Variants in ASRGL1 observed in about 807,000 individuals in gnomAD.
The protein encoded by ASRGL1 is asparaginase and isoaspartyl peptidase 1.
In ASRGL1, 16 loss-of-function variants were observed where a neutral mutation model predicts 22.4. The observed-to-expected ratio is 0.71, with a 90% confidence interval of 0.48 to 1.08. ASRGL1 has a LOEUF of 1.08. Ranked by LOEUF, ASRGL1 falls within the 50% of genes least tolerant of loss-of-function variation. The pLI is 0.00. For missense variants in ASRGL1, 412 were observed against 410.1 expected (o/e 1.00, Z -0.04); for synonymous variants, 165 against 159.3 (o/e 1.04, Z -0.27).
intron 4 of ASRGL1, among the ~76,000 whole-genome samples, chr11:62,361,489 T>C (rs1946432936): frequency 6.8e-6 from 1 of 146,068 alleles, no homozygotes. Flanking sequence ...CAATTTTTTT[T>C]TTTTTTTTTT....
chr11:62,341,697 T>G (rs552976773), intron 2 of ASRGL1, among the ~76,000 whole-genome samples: 1 of 152,324 alleles, frequency 6.6e-6, no homozygotes, highest in East Asian at 1.9e-4. Context: ...GGTGTTGGTT[T>G]GTTGGTATAA....
chr11:62,393,694 T>TC (rs1232060576), downstream of ASRGL1, among the ~76,000 whole-genome samples: 1 of 152,010 alleles, frequency 6.6e-6, no homozygotes, highest in African/African-American at 2.4e-5. Flanking sequence ...ATGCAACAAC[T>TC]CCCCCTTTAG....
At chr11:62,346,905 G>A (rs1041221754) in intron 2 of ASRGL1, among the ~76,000 whole-genome samples, 16 of 151,682 alleles carry the variant, frequency 1.1e-4, no homozygotes, top group African/African-American at 3.9e-4. Context: ...GAGAGACAGA[G>A]GTTGCAGTGA....
At chr11:62,338,455 A>C in intron 2 of ASRGL1, 1 of 306,940 alleles carries the variant, frequency 3.3e-6, no homozygotes, top group Non-Finnish European at 6.0e-6. Flanking sequence ...GTCAATCAGT[A>C]CATACAAGAC....
intron 4 of ASRGL1, among the ~76,000 whole-genome samples, chr11:62,386,669 A>G (rs1224321192): frequency 1.3e-5 from 2 of 152,240 alleles, no homozygotes; most frequent in South Asian, 4.1e-4. Flanking sequence ...ACACCTGTCC[A>G]TATTTCTGAT....
chr11:62,392,577 A>G lies in ASRGL1; in HGVS notation c.*293A>G. ...GAGCCAGGCCCTGTATCAAAAAAAAAAAAAAAAAGAAAAGGGAAAAAAGAA... is the reference window on the plus strand; with the variant it reads ...GAGCCAGGCCCTGTATCAAAAAAAAGAAAAAAAAGAAAAGGGAAAAAAGAA... On this transcript the variant is annotated 3_prime_UTR_variant, in exon 7 of 7. Coordinates refer to ENST00000415229, the MANE Select transcript of ASRGL1 (RefSeq NM_001083926.2). 2.4e-6 allele frequency: 1 copy of G among 413,650 alleles called. No homozygotes were observed. Among genetic ancestry groups the G allele is most frequent in the Non-Finnish European group, 4.4e-6 (1 of 228,048 alleles). 25.6% of individuals were successfully genotyped at this position (413,650 alleles called of 1,614,324 possible). A position where few individuals can be genotyped will look rare whatever the true frequency, so the allele number is the denominator to read the frequency against.
intron 2 of ASRGL1, among the ~76,000 whole-genome samples, chr11:62,345,965 C>G (rs1946008764): frequency 6.6e-6 from 1 of 152,158 alleles, no homozygotes; most frequent in African/African-American, 2.4e-5. Context: ...GGCCACAGAC[C>G]AGTACCAGTA....
downstream of ASRGL1, among the ~76,000 whole-genome samples, chr11:62,394,877 G>A (rs1947413082): frequency 6.6e-6 from 1 of 152,142 alleles, no homozygotes; most frequent in African/African-American, 2.4e-5. Flanking sequence ...TGTAAATGGA[G>A]ACCACGTACA....
At chr11:62,382,383 C>T (rs1312001977) in intron 4 of ASRGL1, 1 of 151,986 alleles carries the variant, frequency 6.6e-6, no homozygotes, top group Non-Finnish European at 1.5e-5. Flanking sequence ...AGCAGGAAAA[C>T]ATGTGAACAA....
intron 2 of ASRGL1, among the ~76,000 whole-genome samples, chr11:62,352,305 G>T (rs373080615): frequency 6.6e-6 from 1 of 152,200 alleles, no homozygotes. Context: ...AAGCCTCAAG[G>T]CTGGGCACGG....
rs191741286 is a variant in ASRGL1, at chr11:62,344,196, T to C, written c.190+6029T>C. ...CAGGTGTGAGCCACTGCGCTTGGCCTGTCGTTCATATTTCTTCAGTGAAGT... is the reference window on the plus strand; with the variant it reads ...CAGGTGTGAGCCACTGCGCTTGGCCCGTCGTTCATATTTCTTCAGTGAAGT... On this transcript the variant is annotated intron_variant, in intron 2 of 6. Coordinates refer to ENST00000415229, the MANE Select transcript of ASRGL1 (RefSeq NM_001083926.2). 1.6e-3 allele frequency among the ~76,000 whole-genome samples: 245 copies of C among 152,246 alleles called. 1 individual carries two copies. Among genetic ancestry groups the C allele is most frequent in the East Asian group, 7.3e-3 (38 of 5,180 alleles).
chr11:62,370,283 T>A (rs1299511340), intron 4 of ASRGL1, among the ~76,000 whole-genome samples: 1 of 152,168 alleles, frequency 6.6e-6, no homozygotes, highest in Non-Finnish European at 1.5e-5. Context: ...AATCTGCAGT[T>A]TTCGCAGGTT....
chr11:62,377,672 C>T (rs1354432993), intron 4 of ASRGL1, among the ~76,000 whole-genome samples: 1 of 152,134 alleles, frequency 6.6e-6, no homozygotes, highest in African/African-American at 2.4e-5. Flanking sequence ...TCAGTAAGAC[C>T]AATCTGCCAT....
At chr11:62,363,800 T>C (rs947218479) in intron 4 of ASRGL1, among the ~76,000 whole-genome samples, 21 of 152,154 alleles carry the variant, frequency 1.4e-4, no homozygotes, top group African/African-American at 5.1e-4. Context: ...TGCTAAAAAC[T>C]ATGTTGACTC....
At chr11:62,355,622 CT>C (rs56828559) in intron 2 of ASRGL1, among the ~76,000 whole-genome samples, 3,660 of 131,848 alleles carry the variant, frequency 0.028, 54 homozygotes, top group Non-Finnish European at 0.038. Context: ...TTTCTAAATT[CT>C]TTTTTTTTTT....
At chr11:62,350,314 C>G (rs1327572047) in intron 2 of ASRGL1, among the ~76,000 whole-genome samples, 5 of 152,154 alleles carry the variant, frequency 3.3e-5, no homozygotes, top group Non-Finnish European at 7.3e-5. Flanking sequence ...AGTTGTACCA[C>G]AGTTTATTTA....
chr11:62,380,969 G>A (rs1230260790), intron 4 of ASRGL1, among the ~76,000 whole-genome samples: 1 of 152,102 alleles, frequency 6.6e-6, no homozygotes, highest in Non-Finnish European at 1.5e-5. Context: ...GGCGGCTGAG[G>A]CTATAGCGCC....
intron 4 of ASRGL1, chr11:62,372,178 A>G: frequency 1.0e-6 from 1 of 973,480 alleles, no homozygotes; most frequent in South Asian, 1.3e-5. Flanking sequence ...ACACCAAGAG[A>G]GTAGAAGCCC....
rs1041521590 is a variant in ASRGL1, at chr11:62,393,218, G to T, written c.*934G>T. On this transcript the variant is annotated 3_prime_UTR_variant, in exon 7 of 7. Coordinates refer to ENST00000415229, the MANE Select transcript of ASRGL1 (RefSeq NM_001083926.2). ...CACCAGCCGGATCGGGCGCTGTGCA[G>T]TGTGGTCAGCATGGTGAAGAAAGTC... 2.0e-5 allele frequency: 3 copies of T among 152,330 alleles called. No individual in the cohort carries two copies. Among genetic ancestry groups the T allele is most frequent in the African/African-American group, 7.2e-5 (3 of 41,454 alleles). The allele number at this position is 152,330 out of a possible 1,614,324, so 9.4% of individuals were successfully genotyped here.
Sources: gnomAD v4.1 joint callset for allele counts (sites outside exome capture counted in the v4.1 genomes callset) on GRCh38, gnomAD v4.1.1 for gene constraint, MANE v1.5 for transcripts, NCBI Gene and HGNC (gene_info 2026-07-23, HGNC 2026-07-21) for gene names.